Variants in LRP1B observed in about 807,000 individuals in gnomAD.
LRP1B encodes the protein low-density lipoprotein receptor-related protein 1B.
In LRP1B, 217 loss-of-function variants were observed where a neutral mutation model predicts 556.6. That is an observed-to-expected ratio of 0.39 (90% CI 0.35 to 0.44). The LOEUF (loss-of-function observed/expected upper bound fraction) is 0.44. LRP1B is among the 20% of genes least tolerant of loss of function. The pLI is 1.00. For missense variants in LRP1B, 5,053 were observed against 5,620.8 expected (o/e 0.90, Z 3.23); for synonymous variants, 2,047 against 1,865.8 (o/e 1.10, Z -2.50).
chr2:141,685,397 T>A (rs920201408), intron 2 of LRP1B, among the ~76,000 whole-genome samples: 1 of 152,042 alleles, frequency 6.6e-6, no homozygotes, highest in Non-Finnish European at 1.5e-5. Flanking sequence ...TTTTTGCAAA[T>A]GTTGGGATGG....
chr2:141,597,557 G>T (rs1687569451), intron 2 of LRP1B, among the ~76,000 whole-genome samples: 1 of 152,004 alleles, frequency 6.6e-6, no homozygotes, highest in Non-Finnish European at 1.5e-5. Context: ...TAAATTTGTT[G>T]CAAGTTGTGT....
intron 25 of LRP1B, among the ~76,000 whole-genome samples, chr2:140,873,984 G>C (rs533431370): frequency 6.6e-6 from 1 of 151,876 alleles, no homozygotes; most frequent in Non-Finnish European, 1.5e-5. Flanking sequence ...TTTTATATGA[G>C]AAAGAGTCTT....
intron 1 of LRP1B, among the ~76,000 whole-genome samples, chr2:142,092,340 A>AC (rs1706204183): frequency 6.6e-6 from 1 of 151,782 alleles, no homozygotes; most frequent in African/African-American, 2.4e-5. Flanking sequence ...TAGTTTTTGG[A>AC]TTTTTTTGGC....
chr2:141,287,372 G>C (rs1573757164), intron 3 of LRP1B, among the ~76,000 whole-genome samples: 1 of 150,126 alleles, frequency 6.7e-6, no homozygotes, highest in Admixed American at 6.7e-5. Context: ...GCCCAGGCTG[G>C]AGTGCAGTGG....
In LRP1B at chr2:141,015,831, A is replaced by G. The variant is rs1445288882; in HGVS notation, c.2055T>C (p.Asn685=). Residue 685 remains asparagine (N), a synonymous_variant, in exon 13 of 91, where the codon AAT becomes AAC. Coordinates refer to ENST00000389484, the MANE Select transcript of LRP1B (RefSeq NM_018557.3). ...RIEKAWMDGF[N]RQIFVTSKML... Reference sequence around the variant, plus strand: ...TCTTTGAAGTCACAAAAATCTGCCGATTGAATCCATCCATCCAGGCCTTCT... The same window carrying G: ...TCTTTGAAGTCACAAAAATCTGCCGGTTGAATCCATCCATCCAGGCCTTCT... 2.5e-6 allele frequency: 4 copies of G among 1,613,502 alleles called. No homozygotes were observed. In the Admixed American group the frequency reaches 6.7e-5, roughly 27 times the overall value.
chr2:141,967,603 G>A (rs1328007763), intron 1 of LRP1B, among the ~76,000 whole-genome samples: 1 of 151,804 alleles, frequency 6.6e-6, no homozygotes, highest in Non-Finnish European at 1.5e-5. Flanking sequence ...TAGACAGTCA[G>A]AGAGGGAGGC....
intron 66 of LRP1B, among the ~76,000 whole-genome samples, chr2:140,419,246 A>C (rs1205046856): frequency 6.6e-6 from 1 of 152,240 alleles, no homozygotes; most frequent in African/African-American, 2.4e-5. Flanking sequence ...TCAGTTCATC[A>C]AGAGAAACAT....
intron 2 of LRP1B, among the ~76,000 whole-genome samples, chr2:141,573,604 A>C (rs1442878712): frequency 6.6e-6 from 1 of 151,222 alleles, no homozygotes; most frequent in African/African-American, 2.4e-5. Flanking sequence ...TCAGAGAAGA[A>C]CTGAAGGATA....
chr2:140,871,521 C>A (rs967415891), intron 25 of LRP1B, among the ~76,000 whole-genome samples: 2 of 152,040 alleles, frequency 1.3e-5, no homozygotes, highest in African/African-American at 4.8e-5. Flanking sequence ...TGAATCAAAG[C>A]CATGAAAATA....
chr2:142,062,520 G>A (rs1419066145), intron 1 of LRP1B, among the ~76,000 whole-genome samples: 2 of 151,890 alleles, frequency 1.3e-5, no homozygotes, highest in East Asian at 3.9e-4. Context: ...TGATGTTGAT[G>A]TCTACTAGAT....
At chr2:140,852,497 T>A (rs1046208240) in intron 27 of LRP1B, among the ~76,000 whole-genome samples, 6 of 152,216 alleles carry the variant, frequency 3.9e-5, no homozygotes, top group Non-Finnish European at 8.8e-5. Context: ...AAGGTTCCCT[T>A]CTTGCCTTGG....
chr2:141,271,961 G>A (rs1437070146), intron 3 of LRP1B, among the ~76,000 whole-genome samples: 1 of 151,948 alleles, frequency 6.6e-6, no homozygotes, highest in Non-Finnish European at 1.5e-5. Flanking sequence ...AAAAACAAAA[G>A]CAATGCTCTC....
At chr2:140,472,236 A>G (rs1485542023) in intron 60 of LRP1B, among the ~76,000 whole-genome samples, 2 of 150,700 alleles carry the variant, frequency 1.3e-5, no homozygotes, top group Non-Finnish European at 2.9e-5. Context: ...GAATGAATGA[A>G]TAAATGAATG....
intron 77 of LRP1B, among the ~76,000 whole-genome samples, chr2:140,345,547 A>G (rs1681605953): frequency 6.7e-6 from 1 of 149,906 alleles, no homozygotes; most frequent in Admixed American, 6.7e-5. Context: ...TTCTATTCTT[A>G]CTGGTAATCT....
chr2:141,777,239 T>C (rs933592929), intron 2 of LRP1B, among the ~76,000 whole-genome samples: 1 of 152,124 alleles, frequency 6.6e-6, no homozygotes, highest in African/African-American at 2.4e-5. Flanking sequence ...TTTTGACATG[T>C]GGGCAAAGTA....
intron 1 of LRP1B, among the ~76,000 whole-genome samples, chr2:141,990,780 T>A (rs1470256394): frequency 3.3e-5 from 5 of 152,074 alleles, no homozygotes; most frequent in Non-Finnish European, 7.4e-5. Flanking sequence ...GTAGCTGACT[T>A]GCTGTTATAC....
intron 3 of LRP1B, among the ~76,000 whole-genome samples, chr2:141,266,787 C>T (rs1684907036): frequency 6.6e-6 from 1 of 151,824 alleles, no homozygotes; most frequent in Admixed American, 6.6e-5. Context: ...AGCTACAAGG[C>T]CATAATCAAA....
At chr2:140,332,778 G>T (rs650706) in intron 79 of LRP1B, among the ~76,000 whole-genome samples, 80,588 of 151,750 alleles carry the variant, frequency 0.53, 21,675 homozygotes, top group Non-Finnish European at 0.57. Flanking sequence ...TACAACTACC[G>T]TCATAAATGA....
At chr2:140,605,739 C>T (rs942809364) in intron 41 of LRP1B, among the ~76,000 whole-genome samples, 2 of 148,802 alleles carry the variant, frequency 1.3e-5, no homozygotes, top group African/African-American at 4.9e-5. Flanking sequence ...AGTATACGGT[C>T]TCTCTCATTG....
Sources: gnomAD v4.1 joint callset for allele counts (sites outside exome capture counted in the v4.1 genomes callset) on GRCh38, gnomAD v4.1.1 for gene constraint, MANE v1.5 for transcripts, NCBI Gene and HGNC (gene_info 2026-07-23, HGNC 2026-07-21) for gene names.